SMG6: variants seen among roughly 807,000 people sequenced by gnomAD.
SMG6 encodes the protein SMG6 nonsense mediated mRNA decay factor.
In SMG6, 66 loss-of-function variants were observed where a neutral mutation model predicts 142.2. The observed-to-expected ratio is 0.46, with a 90% CI of 0.38 to 0.57. The LOEUF is 0.57. Ranked by LOEUF, SMG6 falls within the 20% of genes least tolerant of loss-of-function variation. The probability of loss-of-function intolerance (pLI) is 0.00; values close to 1 mark genes in which losing one functional copy is unlikely to be tolerated. For missense variants in SMG6, 1,793 were observed against 1,832.0 expected (o/e 0.98, Z 0.39); for synonymous variants, 779 against 702.4 (o/e 1.11, Z -1.72).
At chr17:2,229,691 T>C (rs908633027) in intron 10 of SMG6, among the ~76,000 whole-genome samples, 3 of 152,192 alleles carry the variant, frequency 2.0e-5, no homozygotes, top group Non-Finnish European at 4.4e-5. Flanking sequence ...GGTCACGCCC[T>C]CTGAAAACTA....
At chr17:2,239,134 A>G (rs2151812095) in intron 9 of SMG6, among the ~76,000 whole-genome samples, 1 of 152,238 alleles carries the variant, frequency 6.6e-6, no homozygotes, top group East Asian at 1.9e-4. Context: ...TCTTTGCTTC[A>G]CCCCGCATTA....
chr17:2,079,846 G>A (rs1322441125), intron 15 of SMG6, among the ~76,000 whole-genome samples: 16 of 152,118 alleles, frequency 1.1e-4, no homozygotes, highest in Admixed American at 7.9e-4. Context: ...AGGCCAAGGC[G>A]GGCAGATCAC....
chr17:2,247,243 A>G (rs1228594658), intron 8 of SMG6, among the ~76,000 whole-genome samples: 1 of 152,244 alleles, frequency 6.6e-6, no homozygotes, highest in African/African-American at 2.4e-5. Context: ...GAAATGAAGC[A>G]ACTGGAGAAT....
At chr17:2,279,754 G>A (rs957519914) in intron 8 of SMG6, among the ~76,000 whole-genome samples, 3 of 152,160 alleles carry the variant, frequency 2.0e-5, no homozygotes, top group African/African-American at 4.8e-5. Context: ...GACTCCAGTC[G>A]CTCACAGGAG....
intron 15 of SMG6, among the ~76,000 whole-genome samples, chr17:2,075,909 C>T (rs1452960145): frequency 6.6e-6 from 1 of 152,230 alleles, no homozygotes; most frequent in East Asian, 1.9e-4. Flanking sequence ...GAGCTCCCCA[C>T]ACCCCTTTTC....
chr17:2,090,717 G>C lies in SMG6; in HGVS notation c.3358-4816C>G, dbSNP rs3900333. 9.8e-3 allele frequency among the ~76,000 whole-genome samples: 1,485 copies of C among 152,252 alleles called. 24 individuals carry two copies. Among genetic ancestry groups the C allele is most frequent in the African/African-American group, 0.033 (1,389 of 41,530 alleles). On this transcript the variant is annotated intron_variant, in intron 13 of 18. Coordinates refer to ENST00000263073, the MANE Select transcript of SMG6 (RefSeq NM_017575.5). ...CAGTCCAGCTTGCTACTGCTCCTCT[G>C]GTTAAAGAGAACAATCACACGGGTT...
chr17:2,175,666 C>A (rs78275423), intron 12 of SMG6, among the ~76,000 whole-genome samples: 1,768 of 152,270 alleles, frequency 0.012, 30 homozygotes, highest in African/African-American at 0.031. Context: ...AGAATCCCTA[C>A]CTCAATGTTG....
chr17:2,099,584 G>A (rs548455640), intron 13 of SMG6, among the ~76,000 whole-genome samples: 1 of 152,184 alleles, frequency 6.6e-6, no homozygotes, highest in Admixed American at 6.5e-5. Context: ...GAGGTAGAAA[G>A]CCATTTTAAG....
rs2151418472 is a variant in SMG6, at chr17:2,300,440, C to G, written c.313G>C (p.Glu105Gln). The G allele has an allele frequency of 6.2e-7, 1 of 1,614,202 alleles. No homozygotes were observed. The highest frequency in any genetic ancestry group is 1.3e-5 in the African/African-American group (1 of 75,044). ...TCTGGGTCTATAGGACCATTCTGCT[C>G]TTGGTTGTTCAGTTCCTTGCAGACA... is the stretch of plus-strand genomic sequence containing the variant. ...KDVCKELNNQ[E>Q]QNGPIDPENN... The change falls in exon 2 of 19, where the codon GAG (glutamate) becomes CAG (glutamine). Residue 105 changes from glutamate (E) to glutamine (Q), a missense_variant. Coordinates refer to ENST00000263073, the MANE Select transcript of SMG6 (RefSeq NM_017575.5).
At chr17:2,098,632 TTTGTTGTTG>T (rs532967159) in intron 13 of SMG6, among the ~76,000 whole-genome samples, 1 of 152,124 alleles carries the variant, frequency 6.6e-6, no homozygotes, top group Non-Finnish European at 1.5e-5. Context: ...TTACATACTT[TTTGTTGTTG>T]TTGTTGTTGA....
intron 13 of SMG6, among the ~76,000 whole-genome samples, chr17:2,129,970 C>T (rs2070054205): frequency 6.6e-6 from 1 of 151,606 alleles, no homozygotes. Flanking sequence ...AAAGAAACAG[C>T]ATTTAGGCTG....
At chr17:2,106,136 A>G (rs2069149310) in intron 13 of SMG6, among the ~76,000 whole-genome samples, 1 of 152,220 alleles carries the variant, frequency 6.6e-6, no homozygotes, top group Non-Finnish European at 1.5e-5. Flanking sequence ...AACCAGGCTT[A>G]AGGAGGAGAT....
chr17:2,061,458 G>A lies in SMG6; in HGVS notation c.*34C>T, dbSNP rs749994929. The A allele has an allele frequency of 8.8e-6, 13 of 1,473,026 alleles. No homozygotes were observed. The Middle Eastern group carries it at 6.1e-4, about 69-fold the overall frequency. 91.2% of individuals were successfully genotyped at this position (1,473,026 alleles called of 1,614,324 possible). A position where few individuals can be genotyped will look rare whatever the true frequency, so the allele number is the denominator to read the frequency against. On this transcript the variant is annotated 3_prime_UTR_variant, in exon 19 of 19. Transcript: ENST00000263073. The stretch of plus-strand genomic sequence containing the variant: ...GGGCGCCTGGTGGCCTTTCAGGAAC[G>A]GTTCCACGGGGGGGGGGCCCCAGTG...
At chr17:2,119,750 C>T (rs1036070146) in intron 13 of SMG6, among the ~76,000 whole-genome samples, 7 of 152,166 alleles carry the variant, frequency 4.6e-5, no homozygotes, top group African/African-American at 1.7e-4. Flanking sequence ...CAAGCTCCGC[C>T]TCCCGGGTTC....
Position 2,188,465 on chromosome 17 carries a change from G to A in SMG6, c.2920C>T (p.Leu974=). The change falls in exon 11 of 19, where the codon CTG becomes TTG. Residue 974 remains leucine, a synonymous_variant. Coordinates refer to ENST00000263073, the MANE Select transcript of SMG6 (RefSeq NM_017575.5). ...RSVIQEQAAA[L]GLAMFSLLVR... ...AGTAGAGAAAACATGGCCAAGCCCA[G>A]AGCTGCGGCTTGTTCCTGGATCACA... 1 of 1,614,154 alleles carries A rather than the reference G, an allele frequency of 6.2e-7. No individual in the cohort carries two copies. Among genetic ancestry groups the A allele is most frequent in the Non-Finnish European group, 8.5e-7 (1 of 1,180,008 alleles).
chr17:2,222,847 G>A (rs917529132), intron 10 of SMG6, among the ~76,000 whole-genome samples: 1 of 152,186 alleles, frequency 6.6e-6, no homozygotes, highest in African/African-American at 2.4e-5. Context: ...GAATATTGAA[G>A]AATGTGTCAA....
chr17:2,204,082 G>C (rs1180420101), intron 10 of SMG6, among the ~76,000 whole-genome samples: 2 of 152,112 alleles, frequency 1.3e-5, no homozygotes, highest in African/African-American at 4.8e-5. Context: ...TCCCACCTCA[G>C]CCTCTGAAGT....
intron 1 of SMG6, chr17:2,303,160 G>A (rs1242114617): frequency 8.1e-6 from 8 of 985,388 alleles, no homozygotes; most frequent in Non-Finnish European, 9.6e-6. Flanking sequence ...AGCCTGTCTT[G>A]GGGGGGAAAA....
chr17:2,236,864 C>T (rs535303125), intron 9 of SMG6: 1 of 1,226,240 alleles, frequency 8.2e-7, no homozygotes, highest in Admixed American at 4.1e-5. Context: ...GAGATGCAAA[C>T]AACTCAAGTT....
Sources: allele counts gnomAD v4.1 joint callset (sites outside exome capture counted in the v4.1 genomes callset), GRCh38; gene constraint gnomAD v4.1.1; transcripts MANE v1.5; gene names NCBI Gene and HGNC (gene_info 2026-07-23, HGNC 2026-07-21).